TSPAN2: variants seen among roughly 807,000 people sequenced by gnomAD.
TSPAN2 encodes tetraspanin 2, also known as tetraspanin-2.
A neutral mutation model predicts 33.3 loss-of-function variants in TSPAN2; 24 were observed. That is an observed-to-expected ratio of 0.72 (90% CI 0.52 to 1.01). The LOEUF is 1.01. Ranked by LOEUF, TSPAN2 falls within the 50% of genes least tolerant of loss-of-function variation. TSPAN2 has a pLI of 0.00. For synonymous variants in TSPAN2, 114 were observed against 104.5 expected (o/e 1.09, Z -0.56); for missense variants, 278 against 281.3 (o/e 0.99, Z 0.08).
chr1:115,072,378 A>C (rs1221386370), intron 2 of TSPAN2, among the ~76,000 whole-genome samples: 3 of 151,950 alleles, frequency 2.0e-5, no homozygotes, highest in Admixed American at 1.3e-4. Context: ...GTCCCTAGTC[A>C]TGGAGAGACT....
At chr1:115,079,044 G>A (rs929129004) in intron 1 of TSPAN2, among the ~76,000 whole-genome samples, 3 of 151,108 alleles carry the variant, frequency 2.0e-5, no homozygotes, top group Non-Finnish European at 4.4e-5. Context: ...TACCATCCAC[G>A]GATACAAAGA....
At position 115,049,945 on chromosome 1, in the gene TSPAN2, A is replaced by T. The variant is rs1321568771; in HGVS notation, c.*545T>A. The T allele has an allele frequency of 6.4e-6, 1 of 156,838 alleles. No individual in the cohort carries two copies. The highest frequency in any genetic ancestry group is 1.4e-5 in the Non-Finnish European group (1 of 71,372). The allele number at this position is 156,838 out of a possible 1,614,324, so 9.7% of individuals were successfully genotyped here. A position where few individuals can be genotyped will look rare whatever the true frequency, so the allele number is the denominator to read the frequency against. On this transcript the variant is annotated 3_prime_UTR_variant, in exon 8 of 8. Transcript: ENST00000369516. ...CTGTGGTTTACTGTATTCTGGGGAG[A>T]GCATGTATATAAAAAAACCCAGGAA...
At chr1:115,088,810 A>G (rs986921617) in intron 1 of TSPAN2, among the ~76,000 whole-genome samples, 1 of 151,626 alleles carries the variant, frequency 6.6e-6, no homozygotes, top group Non-Finnish European at 1.5e-5. Flanking sequence ...CAGAAAAAGG[A>G]CGACGCCCCC....
chr1:115,078,170 C>A (rs1334024355), intron 1 of TSPAN2, among the ~76,000 whole-genome samples: 4 of 152,202 alleles, frequency 2.6e-5, no homozygotes, highest in Non-Finnish European at 4.4e-5. Flanking sequence ...CCATTCACAG[C>A]TCTAACATTA....
chr1:115,067,153 G>A (rs1647982764), intron 2 of TSPAN2, among the ~76,000 whole-genome samples: 1 of 152,184 alleles, frequency 6.6e-6, no homozygotes, highest in East Asian at 1.9e-4. Context: ...GAACCTAGGG[G>A]AGCCTACTCC....
rs141802038 is a variant in TSPAN2, at chr1:115,056,525, G to A, written c.516+1012C>T. On this transcript the variant is annotated intron_variant, in intron 6 of 7. Transcript: ENST00000369516. ...GTGTTGTTGCTTACGCTGGTCTCTCGGCACGCAGGCCTCCCCCTCCCGCTT... is the reference window on the plus strand; with the variant it reads ...GTGTTGTTGCTTACGCTGGTCTCTCAGCACGCAGGCCTCCCCCTCCCGCTT... Among the ~76,000 whole-genome samples, 249 of 152,158 alleles carry A rather than the reference G, an allele frequency of 1.6e-3. 2 individuals are homozygous for A. The highest frequency in any genetic ancestry group is 5.7e-3 in the African/African-American group (237 of 41,522).
At chr1:115,089,317 C>CCCCCCCG in intron 1 of TSPAN2, 47 bp downstream of exon 1, 4 of 1,450,334 alleles carry the variant, frequency 2.8e-6, no homozygotes, top group Non-Finnish European at 2.8e-6. Flanking sequence ...CCCGCGCCCG[C>CCCCCCCG]CACCCGGCCC....
At chr1:115,054,032 G>C (rs1570964476) in intron 6 of TSPAN2, among the ~76,000 whole-genome samples, 1 of 152,150 alleles carries the variant, frequency 6.6e-6, no homozygotes, top group East Asian at 1.9e-4. Context: ...TGCTGGGTGA[G>C]TTCCTATCCT....
At chr1:115,067,223 T>C (rs1196458867) in intron 2 of TSPAN2, among the ~76,000 whole-genome samples, 1 of 152,228 alleles carries the variant, frequency 6.6e-6, no homozygotes, top group African/African-American at 2.4e-5. Context: ...AGAACAACAA[T>C]GCTCTTAGCT....
intron 2 of TSPAN2, among the ~76,000 whole-genome samples, chr1:115,068,182 T>A (rs1403379152): frequency 6.6e-6 from 1 of 152,186 alleles, no homozygotes; most frequent in Non-Finnish European, 1.5e-5. Flanking sequence ...AGTCTGACTA[T>A]CCTCTCGCCC....
chr1:115,083,012 T>C (rs1648687173), intron 1 of TSPAN2, among the ~76,000 whole-genome samples: 1 of 152,202 alleles, frequency 6.6e-6, no homozygotes, highest in Admixed American at 6.5e-5. Flanking sequence ...AACTGAAGCA[T>C]TGTTATTTTT....
At chr1:115,080,230 AAGG>A (rs1247265963) in intron 1 of TSPAN2, among the ~76,000 whole-genome samples, 3 of 152,150 alleles carry the variant, frequency 2.0e-5, no homozygotes, top group Admixed American at 6.5e-5. Flanking sequence ...GGAGAAGGAG[AAGG>A]AGATTAGGGA....
intron 6 of TSPAN2, among the ~76,000 whole-genome samples, chr1:115,056,609 AC>A (rs1285547026): frequency 6.6e-6 from 1 of 151,990 alleles, no homozygotes; most frequent in Non-Finnish European, 1.5e-5. Context: ...AGACATCATT[AC>A]CTCTGTCAGC....
At chr1:115,083,216 C>T (rs554545462) in intron 1 of TSPAN2, among the ~76,000 whole-genome samples, 20 of 152,220 alleles carry the variant, frequency 1.3e-4, no homozygotes, top group Non-Finnish European at 2.4e-4. Flanking sequence ...GGAGCAGCTT[C>T]GCGATATTAA....
chr1:115,054,987 A>C (rs757433353), intron 6 of TSPAN2, among the ~76,000 whole-genome samples: 25 of 152,064 alleles, frequency 1.6e-4, no homozygotes, highest in Non-Finnish European at 3.4e-4. Context: ...ACTCTGTCTC[A>C]AAATAAATAA....
intron 1 of TSPAN2, among the ~76,000 whole-genome samples, chr1:115,078,493 T>G (rs993394755): frequency 6.6e-6 from 1 of 152,094 alleles, no homozygotes; most frequent in Non-Finnish European, 1.5e-5. Context: ...GGTTGGGGCT[T>G]TGGGAGGTAA....
chr1:115,055,216 G>A (rs1400899524), intron 6 of TSPAN2, among the ~76,000 whole-genome samples: 2 of 152,108 alleles, frequency 1.3e-5, no homozygotes, highest in African/African-American at 4.8e-5. Context: ...CTGCCATTAG[G>A]CCCTCCTTCC....
chr1:115,056,160 A>G (rs998424021), intron 6 of TSPAN2, among the ~76,000 whole-genome samples: 1 of 152,230 alleles, frequency 6.6e-6, no homozygotes, highest in East Asian at 1.9e-4. Context: ...CACTTGGTCA[A>G]TTTCATAGAT....
chr1:115,077,728 T>A (rs1311677156), intron 1 of TSPAN2, among the ~76,000 whole-genome samples: 1 of 152,244 alleles, frequency 6.6e-6, no homozygotes, highest in Non-Finnish European at 1.5e-5. Flanking sequence ...GGATTGCTGA[T>A]GAGATGTCCT....
Sources: gnomAD v4.1 joint callset for allele counts (sites outside exome capture counted in the v4.1 genomes callset) on GRCh38, gnomAD v4.1.1 for gene constraint, MANE v1.5 for transcripts, NCBI Gene and HGNC (gene_info 2026-07-23, HGNC 2026-07-21) for gene names.